The following RGS5 variants were observed in gnomAD, a reference collection of about 807,000 sequenced individuals.
The protein encoded by RGS5 is regulator of G-protein signalling 5.
Under a neutral mutation model 18.9 loss-of-function variants are expected in RGS5, and 20 were observed. That is an observed-to-expected ratio of 1.06 (90% CI 0.74 to 1.54). The LOEUF is 1.54. RGS5 is among the 40% of genes most tolerant of loss of function. The pLI is 0.00. For missense variants in RGS5, 201 were observed against 211.8 expected (o/e 0.95, Z 0.32); for synonymous variants, 57 against 76.2 (o/e 0.75, Z 1.31).
At chr1:163,255,362 A>C (rs900491744) in intron 2 of RGS5, among the ~76,000 whole-genome samples, 2 of 152,208 alleles carry the variant, frequency 1.3e-5, no homozygotes, top group Non-Finnish European at 2.9e-5. Context: ...AAAATCTAGA[A>C]GAAATGGGTA....
At chr1:163,298,172 A>G (rs990287607) in intron 2 of RGS5, among the ~76,000 whole-genome samples, 3 of 152,178 alleles carry the variant, frequency 2.0e-5, no homozygotes, top group African/African-American at 7.2e-5. Flanking sequence ...TGAAATATGT[A>G]TTTTATATAT....
intron 2 of RGS5, chr1:163,304,310 T>C (rs1649640240): frequency 1.3e-5 from 2 of 152,342 alleles, no homozygotes; most frequent in South Asian, 2.1e-4. Context: ...CTCCTGCCTG[T>C]CAGGCTTCTT....
intron 2 of RGS5, among the ~76,000 whole-genome samples, chr1:163,297,975 C>T (rs1649462433): frequency 6.6e-6 from 1 of 152,018 alleles, no homozygotes; most frequent in African/African-American, 2.4e-5. Context: ...TCCAAGACTG[C>T]TTTTGTTTGA....
rs374372515 is a variant in RGS5, at chr1:163,272,197, T to C, written c.-281+34036A>G. 9.2e-5 allele frequency among the ~76,000 whole-genome samples: 14 copies of C among 152,198 alleles called. No homozygotes were observed. The East Asian group carries it at 1.7e-3, about 19-fold the overall frequency. ...CTAATGACTAATAATGAGGATTACA[T>C]TTTCTTTCATATATCTTTTTTGGTA... On this transcript the variant is annotated intron_variant, in intron 2 of 5. Coordinates refer to the RGS5 transcript ENST00000618415.
chr1:163,232,548 A>G (rs1257017495), intron 2 of RGS5, among the ~76,000 whole-genome samples: 1 of 152,184 alleles, frequency 6.6e-6, no homozygotes, highest in Non-Finnish European at 1.5e-5. Context: ...TGTCTCAAGG[A>G]GGAAAGGGAG....
intron 2 of RGS5, among the ~76,000 whole-genome samples, chr1:163,229,032 G>C (rs1029476375): frequency 1.8e-4 from 28 of 152,110 alleles, no homozygotes; most frequent in African/African-American, 6.8e-4. Context: ...CCTCCAAACT[G>C]TTCCAACCTC....
At chr1:163,169,766 G>A (rs1658217961) in intron 1 of RGS5, among the ~76,000 whole-genome samples, 1 of 151,926 alleles carries the variant, frequency 6.6e-6, no homozygotes, top group Non-Finnish European at 1.5e-5. Flanking sequence ...GCTATTTCCA[G>A]CTATAAAATT....
intron 2 of RGS5, chr1:163,304,470 T>C (rs1355980866): frequency 1.3e-5 from 2 of 152,226 alleles, no homozygotes; most frequent in African/African-American, 2.4e-5. Context: ...AGGTTTAATA[T>C]GCATCTTCTC....
intron 2 of RGS5, among the ~76,000 whole-genome samples, chr1:163,167,111 T>TA (rs1269791198): frequency 1.3e-5 from 2 of 152,032 alleles, no homozygotes; most frequent in African/African-American, 4.8e-5. Flanking sequence ...GGAAAAAGAT[T>TA]AAAAAAAGAG....
At chr1:163,253,314 G>C (rs1357283625) in intron 2 of RGS5, among the ~76,000 whole-genome samples, 1 of 151,786 alleles carries the variant, frequency 6.6e-6, no homozygotes, top group Non-Finnish European at 1.5e-5. Context: ...AGACAGATAA[G>C]GCCATTTTTC....
At position 163,146,671 on chromosome 1, in the gene RGS5, AG is replaced by A. The variant is rs1383045580; in HGVS notation, c.*670del. On this transcript the variant is annotated 3_prime_UTR_variant, in exon 5 of 5. Coordinates refer to ENST00000313961, the MANE Select transcript of RGS5 (RefSeq NM_003617.4). ...TATGGGCAGGTGGAGGGGGCCAGTGAGGAAGGTATAAAAGAGAAATCTTTAT... is the reference window on the plus strand; with the variant it reads ...TATGGGCAGGTGGAGGGGGCCAGTGAGAAGGTATAAAAGAGAAATCTTTAT... The A allele has an allele frequency of 1.3e-5, 2 of 152,188 alleles. No homozygotes were observed. The highest frequency in any genetic ancestry group is 2.4e-5 in the African/African-American group (1 of 41,458). 9.4% of individuals were successfully genotyped at this position (152,188 alleles called of 1,614,324 possible). A position where few individuals can be genotyped will look rare whatever the true frequency, so the allele number is the denominator to read the frequency against.
chr1:163,308,457 A>G (rs1168505195), intron 1 of RGS5: 2 of 152,228 alleles, frequency 1.3e-5, no homozygotes, highest in African/African-American at 4.8e-5. Flanking sequence ...AATCATCTAG[A>G]AAAAGAGATA....
At chr1:163,169,134 TA>T (rs1035389936) in intron 1 of RGS5, among the ~76,000 whole-genome samples, 10 of 152,182 alleles carry the variant, frequency 6.6e-5, no homozygotes, top group Non-Finnish European at 1.0e-4. Context: ...GTCCTTGCAA[TA>T]GTTTGCTGAG....
At chr1:163,172,694 A>G in intron 1 of RGS5, 7 of 1,284,506 alleles carry the variant, frequency 5.4e-6, no homozygotes, top group Non-Finnish European at 6.4e-6. Flanking sequence ...GAGCATTATA[A>G]AGTTAAGAGT....
chr1:163,294,123 C>T (rs1649362867), intron 2 of RGS5, among the ~76,000 whole-genome samples: 1 of 152,124 alleles, frequency 6.6e-6, no homozygotes, highest in Non-Finnish European at 1.5e-5. Flanking sequence ...AGGATGGTGG[C>T]CTTCTTTTCA....
chr1:163,198,044 A>G (rs1024072370), intron 1 of RGS5, among the ~76,000 whole-genome samples: 1 of 152,158 alleles, frequency 6.6e-6, no homozygotes, highest in African/African-American at 2.4e-5. Context: ...GTTCATTAGT[A>G]GTCCTGCTTA....
intron 2 of RGS5, among the ~76,000 whole-genome samples, chr1:163,239,752 A>T (rs1478495351): frequency 6.6e-6 from 1 of 152,226 alleles, no homozygotes; most frequent in East Asian, 1.9e-4. Flanking sequence ...ATATTGCTGA[A>T]ACAGTTATTT....
At position 163,168,371 on chromosome 1, in the gene RGS5, G is replaced by C. The variant is rs1221072714; in HGVS notation, c.45-3C>G. 4 of 1,607,358 alleles carry C rather than the reference G, an allele frequency of 2.5e-6. No homozygotes were observed. Among genetic ancestry groups the C allele is most frequent in the Non-Finnish European group, 3.4e-6 (4 of 1,174,084 alleles). ...ACTTGATCTTAATCTCCTTGGCCCT[G>C]AAAGAAGAGACACAAGGGGAAATGA... On this transcript the variant is annotated splice_region_variant and splice_polypyrimidine_tract_variant and intron_variant, in intron 1 of 4. Coordinates refer to ENST00000313961, the MANE Select transcript of RGS5 (RefSeq NM_003617.4).
intron 4 of RGS5, among the ~76,000 whole-genome samples, chr1:163,147,922 T>TTTTTCTTTTC (rs771123131): frequency 5.3e-5 from 7 of 132,630 alleles, no homozygotes; most frequent in South Asian, 5.4e-4. Flanking sequence ...CTTTTTCTTT[T>TTTTTCTTTTC]TTTTTTTTTT....
Sources: gnomAD v4.1 joint callset for allele counts (sites outside exome capture counted in the v4.1 genomes callset) on GRCh38, gnomAD v4.1.1 for gene constraint, MANE v1.5 for transcripts, NCBI Gene and HGNC (gene_info 2026-07-23, HGNC 2026-07-21) for gene names.